Variants in RAPGEF2 observed in about 807,000 individuals in gnomAD.
RAPGEF2 encodes the protein Rap guanine nucleotide exchange factor 2.
A neutral mutation model predicts 186.7 loss-of-function variants in RAPGEF2; 54 were observed. The observed-to-expected ratio is 0.29, with a 90% CI of 0.23 to 0.36. The LOEUF is 0.36. RAPGEF2 is among the 10% of genes least tolerant of loss of function. RAPGEF2 has a pLI of 1.00. For synonymous variants in RAPGEF2, 712 were observed against 705.9 expected, an observed-to-expected ratio of 1.01 and a Z score of -0.14; for missense variants, 1,532 against 2,045.0, an observed-to-expected ratio of 0.75 and a Z score of 4.84.
chr4:159,295,752 TGTGC>T lies in RAPGEF2; in HGVS notation c.544-8588_544-8585del, dbSNP rs1448976135. On this transcript the variant is annotated intron_variant, in intron 7 of 29. Coordinates refer to ENST00000691494, the MANE Select transcript of RAPGEF2 (RefSeq NM_001394067.2). Reference sequence around the variant, plus strand: ...GTGTGTGTGTGTGTGTGTGTGTGTGTGTGCGCGCGCGCGCGCGCGCGCATGCACA... The same window carrying T: ...GTGTGTGTGTGTGTGTGTGTGTGTGTGCGCGCGCGCGCGCGCGCATGCACA... Among the ~76,000 whole-genome samples, 1,002 of 111,798 alleles carry T rather than the reference TGTGC, an allele frequency of 9.0e-3. 7 individuals are homozygous for T. The highest frequency in any genetic ancestry group is 0.026 in the African/African-American group (778 of 29,644). The allele number at this position is 111,798 out of a possible 152,430, so 73.3% of individuals were successfully genotyped here.
intron 4 of RAPGEF2, among the ~76,000 whole-genome samples, chr4:159,227,069 C>T (rs760290278): frequency 2.0e-4 from 30 of 152,120 alleles, no homozygotes; most frequent in Non-Finnish European, 4.0e-4. Context: ...AAATACTTAC[C>T]ATTTCAACTT....
At chr4:159,145,443 A>G (rs1742846711) in intron 1 of RAPGEF2, among the ~76,000 whole-genome samples, 1 of 152,264 alleles carries the variant, frequency 6.6e-6, no homozygotes, top group Admixed American at 6.5e-5. Context: ...CATGTGATCT[A>G]TATAACAGCG....
intron 7 of RAPGEF2, among the ~76,000 whole-genome samples, chr4:159,295,247 T>C (rs1272020208): frequency 5.3e-5 from 8 of 152,218 alleles, no homozygotes; most frequent in Admixed American, 5.2e-4. Context: ...TTGGTGTGTT[T>C]TTCATTGAAA....
In RAPGEF2 at chr4:159,356,124, C is replaced by A. The variant is rs1135004; in HGVS notation, c.4923C>A (p.Pro1641=). The A allele has an allele frequency of 6.2e-7, 1 of 1,613,606 alleles. No individual in the cohort carries two copies. Among genetic ancestry groups the A allele is most frequent in the Non-Finnish European group, 8.5e-7 (1 of 1,179,818 alleles). The change falls in exon 29 of 30, where the codon CCC becomes CCA. Residue 1641 remains proline (P), a synonymous_variant. Coordinates refer to ENST00000691494, the MANE Select transcript of RAPGEF2 (RefSeq NM_001394067.2). ...KPNESDPRLA[P]YQSQGFSTEE... is the part of the protein sequence containing the mutation. ...ACGAGTCTGACCCGCGCCTCGCCCC[C>A]TATCAGTCCCAAGGGTTTTCCACCG...
At chr4:159,129,344 C>T (rs1476913266) in intron 1 of RAPGEF2, among the ~76,000 whole-genome samples, 1 of 152,092 alleles carries the variant, frequency 6.6e-6, no homozygotes, top group Non-Finnish European at 1.5e-5. Context: ...TTCAGGTTGC[C>T]TGTCAGTGTA....
Position 159,139,689 on chromosome 4 carries a change from T to C in RAPGEF2, c.69+35458T>C, listed in dbSNP as rs138251504. Among the ~76,000 whole-genome samples, 408 of 152,342 alleles carry C rather than the reference T, an allele frequency of 2.7e-3. 1 individual carries two copies. The highest frequency in any genetic ancestry group is 9.2e-3 in the African/African-American group (381 of 41,578). The stretch of plus-strand genomic sequence containing the variant: ...TAAGCTCAAAATTATTCTAAAGTTA[T>C]CTTTTGTTAAATGTGGTTTGTTAAG... On this transcript the variant is annotated intron_variant, in intron 1 of 29. Coordinates refer to ENST00000691494, the MANE Select transcript of RAPGEF2 (RefSeq NM_001394067.2).
intron 1 of RAPGEF2, among the ~76,000 whole-genome samples, chr4:159,165,402 G>T (rs558626485): frequency 2.3e-4 from 35 of 152,228 alleles, no homozygotes; most frequent in Admixed American, 2.0e-3. Context: ...AAATCATTCA[G>T]ATCGGATATG....
Position 159,193,217 on chromosome 4 carries a change from T to C in RAPGEF2, c.158T>C (p.Val53Ala). The change falls in exon 3 of 30, where the codon GTG (valine) becomes GCG (alanine). Residue 53 changes from valine to alanine, a missense_variant. Val to Ala is a moderately conservative substitution (Grantham distance 64). Coordinates refer to ENST00000691494, the MANE Select transcript of RAPGEF2 (RefSeq NM_001394067.2). ...EHQLRLMCET[V>A]RYERHEANEV... is the part of the protein sequence containing the mutation. ...TTTTACAGGTTAATGTGTGAAACTGTGAGATATGAGAGACACGAAGCAAAT... is the reference window on the plus strand; with the variant it reads ...TTTTACAGGTTAATGTGTGAAACTGCGAGATATGAGAGACACGAAGCAAAT... The C allele has an allele frequency of 6.7e-7, 1 of 1,498,422 alleles. No homozygotes were observed. The highest frequency in any genetic ancestry group is 1.3e-5 in the South Asian group (1 of 77,868). The allele number at this position is 1,498,422 out of a possible 1,614,324, so 92.8% of individuals were successfully genotyped here.
chr4:159,234,549 ATTTTTTT>A (rs10588096), intron 4 of RAPGEF2, among the ~76,000 whole-genome samples: 6 of 108,176 alleles, frequency 5.5e-5, no homozygotes, highest in East Asian at 2.4e-4. Context: ...TGCCCGGCTA[ATTTTTTT>A]TTTTTTTTTT....
chr4:159,294,634 TCTTCCTTCCTTCCTTC>T (rs1207452261), intron 7 of RAPGEF2, among the ~76,000 whole-genome samples: 3,436 of 133,080 alleles, frequency 0.026, 106 homozygotes, highest in African/African-American at 0.068. Flanking sequence ...AGCTTCCATT[TCTTCCTTCCTTCCTTC>T]CTTCCTTCCT....
intron 3 of RAPGEF2, 122 bp downstream of exon 3, chr4:159,193,378 A>C: frequency 2.2e-6 from 1 of 452,192 alleles, no homozygotes; most frequent in Non-Finnish European, 3.8e-6. Context: ...CTTAGTTGAG[A>C]AATGGGAAAC....
intron 8 of RAPGEF2, among the ~76,000 whole-genome samples, chr4:159,314,146 A>C (rs1181389504): frequency 1.3e-5 from 2 of 152,082 alleles, no homozygotes; most frequent in Non-Finnish European, 1.5e-5. Flanking sequence ...TTTGTGGCTC[A>C]TTTTTCCATA....
At chr4:159,251,988 ACGAACCCAC>A (rs1755492995) in intron 7 of RAPGEF2, among the ~76,000 whole-genome samples, 1 of 152,100 alleles carries the variant, frequency 6.6e-6, no homozygotes, top group South Asian at 2.1e-4. Context: ...GTCAGAGACC[ACGAACCCAC>A]CAGAAGGAAC....
At chr4:159,169,190 T>C (rs1745641274) in intron 1 of RAPGEF2, among the ~76,000 whole-genome samples, 1 of 151,994 alleles carries the variant, frequency 6.6e-6, no homozygotes, top group Non-Finnish European at 1.5e-5. Flanking sequence ...CCCCCTCAAC[T>C]CCCAATCTAT....
chr4:159,323,240 G>T (rs895428624), intron 10 of RAPGEF2, among the ~76,000 whole-genome samples: 2 of 152,094 alleles, frequency 1.3e-5, no homozygotes, highest in Admixed American at 1.3e-4. Flanking sequence ...AATTAAAAGG[G>T]CATTATGATA....
intron 2 of RAPGEF2, among the ~76,000 whole-genome samples, chr4:159,190,371 T>C (rs1334557277): frequency 6.6e-6 from 1 of 152,104 alleles, no homozygotes; most frequent in Non-Finnish European, 1.5e-5. Flanking sequence ...CTTGTGGTCT[T>C]GGTAAGGGAT....
intron 7 of RAPGEF2, among the ~76,000 whole-genome samples, chr4:159,260,739 G>A (rs1347724959): frequency 6.6e-6 from 1 of 152,098 alleles, no homozygotes; most frequent in Non-Finnish European, 1.5e-5. Flanking sequence ...ATTTATTAGA[G>A]GAAAAGGTTA....
intron 11 of RAPGEF2, chr4:159,328,470 AAAAACTAGTGAGATT>A (rs1766233699): frequency 6.6e-6 from 1 of 152,220 alleles, no homozygotes; most frequent in East Asian, 1.9e-4. Flanking sequence ...TGCTGAATAG[AAAAACTAGTGAGATT>A]AGCCAACTCT....
chr4:159,124,409 C>G (rs991949822), intron 1 of RAPGEF2, among the ~76,000 whole-genome samples: 2 of 151,694 alleles, frequency 1.3e-5, no homozygotes, highest in Non-Finnish European at 2.9e-5. Flanking sequence ...CATGGTGGCA[C>G]GCGCCTGTAG....
Sources: allele counts gnomAD v4.1 joint callset (sites outside exome capture counted in the v4.1 genomes callset), GRCh38; gene constraint gnomAD v4.1.1; transcripts MANE v1.5; gene names NCBI Gene and HGNC (gene_info 2026-07-23, HGNC 2026-07-21).